ADCY4: variants seen among roughly 807,000 people sequenced by gnomAD.
ADCY4 encodes the protein adenylate cyclase 4.
Under a neutral mutation model 125.5 loss-of-function variants are expected in ADCY4, and 111 were observed. The ratio of observed to expected loss-of-function variants is 0.88; its 90% CI spans 0.76 to 1.04. ADCY4 has a LOEUF of 1.04. Ranked by LOEUF, ADCY4 falls within the 50% of genes least tolerant of loss-of-function variation. ADCY4 has a pLI of 0.00. For missense variants in ADCY4, 1,256 were observed against 1,382.9 expected (o/e 0.91, Z 1.46); for synonymous variants, 576 against 586.9 (o/e 0.98, Z 0.27).
At chr14:24,324,504 G>T (rs1594655322) in intron 14 of ADCY4, 113 bp from the exon 15 acceptor site, 2 of 1,260,816 alleles carry the variant, frequency 1.6e-6, no homozygotes, top group East Asian at 2.5e-5. Context: ...GGGAATCTGG[G>T]TTGGCTGGCG....
chr14:24,325,803 C>T lies in ADCY4; in HGVS notation c.1725+15G>A, dbSNP rs375552367. On this transcript the variant is annotated intron_variant, in intron 13 of 24. Coordinates refer to ENST00000418030, the MANE Select transcript of ADCY4 (RefSeq NM_001198568.2). Reference sequence around the variant, plus strand: ...AGTTGGGAAGTTGTTTGGTGCCACCCACACCACAGCCCACCTCTTTCTCCA... The same window carrying T: ...AGTTGGGAAGTTGTTTGGTGCCACCTACACCACAGCCCACCTCTTTCTCCA... 6.3e-7 allele frequency: 1 copy of T among 1,588,046 alleles called. No individual in the cohort carries two copies. Among genetic ancestry groups the T allele is most frequent in the African/African-American group, 1.3e-5 (1 of 74,770 alleles).
intron 3 of ADCY4, 122 bp from the exon 4 acceptor site, chr14:24,332,059 G>T (rs2042049944): frequency 8.0e-7 from 1 of 1,257,146 alleles, no homozygotes. Flanking sequence ...TAACTATTGT[G>T]GGACAAGTGG....
chr14:24,329,707 C>T (rs867822547), intron 8 of ADCY4, among the ~76,000 whole-genome samples, 153 bp downstream of exon 8: 2 of 152,058 alleles, frequency 1.3e-5, no homozygotes, highest in Non-Finnish European at 2.9e-5. Context: ...CTCCCAGCTC[C>T]CCTCCCTGCA....
Position 24,332,941 on chromosome 14 carries a change from C to A in ADCY4, c.207G>T (p.Leu69=). Residue 69 remains leucine, a synonymous_variant, in exon 2 of 25, where the codon CTG becomes CTT. Transcript: ENST00000418030. ...PSFLTTVLCA[L]GGFSLLLGLA... The stretch of plus-strand genomic sequence containing the variant: ...GGCCCAGCAGCAGCGAGAAGCCGCC[C>A]AGCGCGCACAGCACAGTGGTCAGGA... 1 of 1,592,010 alleles carries A rather than the reference C, an allele frequency of 6.3e-7. No individual in the cohort carries two copies. The highest frequency in any genetic ancestry group is 1.1e-5 in the South Asian group (1 of 88,312).
At position 24,329,469 on chromosome 14, in the gene ADCY4, CT is replaced by C; in HGVS notation, c.1281del (p.Gly428AlafsTer12). The C allele has an allele frequency of 6.3e-7, 1 of 1,582,650 alleles. No homozygotes were observed. Among genetic ancestry groups the C allele is most frequent in the Non-Finnish European group, 8.6e-7 (1 of 1,167,518 alleles). On this transcript the variant is annotated frameshift_variant, in exon 9 of 25. Transcript: ENST00000418030. LOFTEE classifies it high-confidence loss of function. ...LLAGAYAVED[A>X]GMEHRDPYLR... ...AGGTAGGGGTCCCGATGCTCCATGC[CT>C]GCGTCCTCCACAGCATAAGCCCCTG...
rs1594647076 is a variant in ADCY4, at chr14:24,319,610, A to G, written c.2733+132T>C. ...TTGCTGGAGTGGGTAGATCTGGGGG[A>G]TCAGAGGAGGTGAGGGAGTACTGTG... On this transcript the variant is annotated intron_variant, in intron 21 of 24. Coordinates refer to ENST00000418030, the MANE Select transcript of ADCY4 (RefSeq NM_001198568.2). The surrounding 1 kb of genome is among the most constrained non-coding windows in gnomAD (Gnocchi z 4.5). 3.1e-6 allele frequency: 4 copies of G among 1,291,552 alleles called. No individual in the cohort carries two copies. The highest frequency in any genetic ancestry group is 2.5e-5 in the South Asian group (2 of 80,126). 80.0% of individuals were successfully genotyped at this position (1,291,552 alleles called of 1,614,324 possible). A position where few individuals can be genotyped will look rare whatever the true frequency, so the allele number is the denominator to read the frequency against.
rs10483285 is a variant in ADCY4, at chr14:24,330,152, C to T, written c.1058+16G>A. 2 of 1,609,276 alleles carry T rather than the reference C, an allele frequency of 1.2e-6. No homozygotes were observed. Among genetic ancestry groups the T allele is most frequent in the East Asian group, 2.2e-5 (1 of 44,716 alleles). Reference sequence around the variant, plus strand: ...ATCCACCCTCAGCATTCCTCTTGACCACCGCCTGAGCTGACCTGATGGCCC... The same window carrying T: ...ATCCACCCTCAGCATTCCTCTTGACTACCGCCTGAGCTGACCTGATGGCCC... On this transcript the variant is annotated intron_variant, in intron 7 of 24. Coordinates refer to ENST00000418030, the MANE Select transcript of ADCY4 (RefSeq NM_001198568.2).
chr14:24,324,154 G>A lies in ADCY4; in HGVS notation c.1954C>T (p.Leu652=), dbSNP rs780924362. 2 of 1,614,156 alleles carry A rather than the reference G, an allele frequency of 1.2e-6. No individual in the cohort carries two copies. Among genetic ancestry groups the A allele is most frequent in the African/African-American group, 2.7e-5 (2 of 74,948 alleles). Residue 652 remains leucine (L), a synonymous_variant, in exon 16 of 25, where the codon CTG becomes TTG. Transcript: ENST00000418030. ...GPKMLHWLPA[L]SGLVATRPGL... The stretch of plus-strand genomic sequence containing the variant: ...GGTCGTGTGGCCACCAGGCCAGACA[G>A]TGCAGGCAGCCAGTGCAGCATCTTG...
chr14:24,318,555 G>A lies in ADCY4; in HGVS notation c.3095C>T (p.Thr1032Ile). 1 of 1,614,126 alleles carries A rather than the reference G, an allele frequency of 6.2e-7. No homozygotes were observed. The highest frequency in any genetic ancestry group is 8.5e-7 in the Non-Finnish European group (1 of 1,180,002). The stretch of plus-strand genomic sequence containing the variant: ...GCCCAGGGACTGTAGGGCCCATGCT[G>A]TCTCCTCAGTCACCTACAATTGGAG... ...VLGKIQVTEE[T>I]AWALQSLGYT... Residue 1032 changes from threonine to isoleucine, a missense_variant, in exon 25 of 25, where the codon ACA becomes ATA. By Grantham distance (89) the Thr-to-Ile change is moderately conservative (BLOSUM62 -1). Transcript: ENST00000418030.
intron 4 of ADCY4, 75 bp from the exon 5 acceptor site, chr14:24,331,431 G>A: frequency 6.3e-7 from 1 of 1,585,160 alleles, no homozygotes; most frequent in South Asian, 1.1e-5. Flanking sequence ...AATCACTCAG[G>A]AGCCCACACT....
In ADCY4 at chr14:24,331,195, T is replaced by G. The variant is rs1156922166; in HGVS notation, c.818+13A>C. ...CCCACAGGCCCCTCCCCTCCAGCCA[T>G]TCTTCCTCATACCTGACTCCCTGGT... On this transcript the variant is annotated intron_variant, in intron 5 of 24. Transcript: ENST00000418030. 1 of 1,614,052 alleles carries G rather than the reference T, an allele frequency of 6.2e-7. No homozygotes were observed. Among genetic ancestry groups the G allele is most frequent in the Non-Finnish European group, 8.5e-7 (1 of 1,179,952 alleles).
Position 24,319,702 on chromosome 14 carries a change from A to G in ADCY4, c.2733+40T>C. The G allele has an allele frequency of 6.2e-7, 1 of 1,613,236 alleles. No individual in the cohort carries two copies. Among genetic ancestry groups the G allele is most frequent in the South Asian group, 1.1e-5 (1 of 91,022 alleles). The stretch of plus-strand genomic sequence containing the variant: ...GGAGGTACTGGTGGAAAATTCTAGA[A>G]TCTAGGACATAGGGTCTGGGAGACT... On this transcript the variant is annotated intron_variant, in intron 21 of 24. Coordinates refer to ENST00000418030, the MANE Select transcript of ADCY4 (RefSeq NM_001198568.2). This position sits in a 1 kb window ranked among gnomAD's most constrained non-coding sequence, Gnocchi z 4.5.
At position 24,319,170 on chromosome 14, in the gene ADCY4, A is replaced by T. The variant is rs1336296196; in HGVS notation, c.2884T>A (p.Phe962Ile). ...SCSHLGTMVE[F>I]AVALGSKLDV... ...AGCTTAGACCCCAGGGCCACGGCAA[A>T]TTCCACCATAGTGCCAAGGTGGCTG... Residue 962 changes from phenylalanine (F) to isoleucine (I), a missense_variant, in exon 23 of 25, where the codon TTT (phenylalanine) becomes ATT (isoleucine). Coordinates refer to ENST00000418030, the MANE Select transcript of ADCY4 (RefSeq NM_001198568.2). The surrounding 1 kb of genome is among the most constrained non-coding windows in gnomAD (Gnocchi z 4.5). The T allele has an allele frequency of 6.2e-7, 1 of 1,613,976 alleles. No individual in the cohort carries two copies. Among genetic ancestry groups the T allele is most frequent in the African/African-American group, 1.3e-5 (1 of 74,914 alleles).
At chr14:24,330,100 T>C in intron 7 of ADCY4, 68 bp downstream of exon 7, 1 of 1,599,494 alleles carries the variant, frequency 6.3e-7, no homozygotes, top group Non-Finnish European at 8.6e-7. Flanking sequence ...CAAAGAGGAC[T>C]TCTGTCAGCT....
At position 24,325,470 on chromosome 14, in the gene ADCY4, C is replaced by A. The variant is rs150810366; in HGVS notation, c.1730G>T (p.Arg577Leu). ...TTTGAAGGCGGGGATTGCAGAGAGTCGGTACTGAAAGTGAGAGGGCCAGAG... is the reference window on the plus strand; with the variant it reads ...TTTGAAGGCGGGGATTGCAGAGAGTAGGTACTGAAAGTGAGAGGGCCAGAG... ...FREKEMEKEY[R>L]LSAIPAFKYY... Residue 577 changes from arginine to leucine, a missense_variant, in exon 14 of 25, where the codon CGA (arginine) becomes CTA (leucine). Arg to Leu is a moderately radical substitution (Grantham distance 102, BLOSUM62 -2). Transcript: ENST00000418030. 2.5e-5 allele frequency: 41 copies of A among 1,613,320 alleles called. No individual in the cohort carries two copies. The African/African-American group carries it at 5.4e-4, about 21-fold the overall frequency.
chr14:24,326,535 A>AAAG (rs2041947494), intron 10 of ADCY4, 193 bp from the exon 11 acceptor site: 2 of 635,822 alleles, frequency 3.1e-6, no homozygotes, highest in Non-Finnish European at 5.6e-6. Context: ...GAATCTCCTT[A>AAAG]AAGTTTCCCC....
Position 24,323,603 on chromosome 14 carries a change from A to G in ADCY4, c.2047-149T>C. 5.5e-6 allele frequency: 8 copies of G among 1,450,524 alleles called. No homozygotes were observed. In the South Asian group the frequency reaches 1.2e-4, roughly 21 times the overall value. 89.9% of individuals were successfully genotyped at this position (1,450,524 alleles called of 1,614,324 possible). A position where few individuals can be genotyped will look rare whatever the true frequency, so the allele number is the denominator to read the frequency against. Reference sequence around the variant, plus strand: ...TATTTCTGGTTGGGAAGGGAACCTCAGCACTGGGGTCCTCACTCGGGGAGG... The same window carrying G: ...TATTTCTGGTTGGGAAGGGAACCTCGGCACTGGGGTCCTCACTCGGGGAGG... On this transcript the variant is annotated intron_variant, in intron 16 of 24. Transcript: ENST00000418030.
Position 24,334,673 on chromosome 14 carries a change from C to T in ADCY4, c.-21G>A, listed in dbSNP as rs1402863901. 6.6e-7 allele frequency: 1 copy of T among 1,523,112 alleles called. No homozygotes were observed. The highest frequency in any genetic ancestry group is 2.1e-5 in the Admixed American group (1 of 47,778). 94.3% of individuals were successfully genotyped at this position (1,523,112 alleles called of 1,614,324 possible). On this transcript the variant is annotated 5_prime_UTR_variant, in exon 1 of 25. Coordinates refer to ENST00000418030, the MANE Select transcript of ADCY4 (RefSeq NM_001198568.2). ...GCCATGATCTCCCCAGCCCCGAGCC[C>T]CGGGGCTGGCTAGGGCCGGGCGCCG... is the stretch of plus-strand genomic sequence containing the variant.
At chr14:24,330,864 T>G in intron 6 of ADCY4, 154 bp downstream of exon 6, 1 of 652,856 alleles carries the variant, frequency 1.5e-6, no homozygotes, top group Non-Finnish European at 2.6e-6. Flanking sequence ...ACTGGGAATG[T>G]TTGAGAGGGT....
Sources: allele counts gnomAD v4.1 joint callset (sites outside exome capture counted in the v4.1 genomes callset), GRCh38; gene constraint gnomAD v4.1.1; non-coding constraint Gnocchi (gnomAD v3.1); transcripts MANE v1.5; gene names NCBI Gene and HGNC (gene_info 2026-07-23, HGNC 2026-07-21).